Variants in GPR161 observed in about 807,000 individuals in gnomAD.
GPR161 encodes G-protein coupled receptor RE2.
A neutral mutation model predicts 39.2 loss-of-function variants in GPR161; 25 were observed. The ratio of observed to expected loss-of-function variants is 0.64; its 90% CI spans 0.47 to 0.89. The LOEUF is 0.89. GPR161 is among the 40% of genes least tolerant of loss of function. The pLI is 0.00. For missense variants in GPR161, 547 were observed against 677.8 expected, an observed-to-expected ratio of 0.81 and a Z score of 2.14; for synonymous variants, 286 against 276.6, an observed-to-expected ratio of 1.03 and a Z score of -0.34.
At chr1:168,087,812 CCAT>C in intron 4 of GPR161, 108 bp from the exon 5 acceptor site, 2 of 1,171,732 alleles carry the variant, frequency 1.7e-6, no homozygotes, top group Non-Finnish European at 1.2e-6. Context: ...TCATCCAAAC[CCAT>C]CATCAAGTGG....
chr1:168,134,840 GC>G, intron 1 of GPR161: 2 of 1,418,916 alleles, frequency 1.4e-6, no homozygotes, highest in Non-Finnish European at 1.9e-6. Flanking sequence ...CTGTCCACCC[GC>G]CTCCTGCACT....
In GPR161 at chr1:168,085,686, A is replaced by C. The variant is rs894924999; in HGVS notation, c.1435T>G (p.Phe479Val). Residue 479 changes from phenylalanine (F) to valine (V), a missense_variant, in exon 6 of 6, where the codon TTT (phenylalanine) becomes GTT (valine). Phe to Val is a conservative substitution (Grantham distance 50). Coordinates refer to ENST00000682931, the MANE Select transcript of GPR161 (RefSeq NM_001375883.1). ...AIEAEAKINL[F>V]GEEALPGVLV... ...ACCCCTGGCAAAGCCTCCTCCCCAA[A>C]TAAGTTGATTTTGGCTTCGGCCTCA... 6.2e-7 allele frequency: 1 copy of C among 1,614,046 alleles called. No individual in the cohort carries two copies. Among genetic ancestry groups the C allele is most frequent in the East Asian group, 2.2e-5 (1 of 44,900 alleles).
chr1:168,118,596 C>T (rs1029188042), intron 1 of GPR161: 1 of 152,054 alleles, frequency 6.6e-6, no homozygotes, highest in African/African-American at 2.4e-5. Flanking sequence ...ACTTGTACCC[C>T]TTAAATATAT....
intron 2 of GPR161, among the ~76,000 whole-genome samples, chr1:168,101,154 G>GT (rs1195176500): frequency 6.7e-6 from 1 of 148,416 alleles, no homozygotes; most frequent in East Asian, 2.0e-4. Flanking sequence ...TATACTTTAA[G>GT]TTTTAGGGTA....
rs144156323 is a variant in GPR161, at chr1:168,083,034, A to C, written c.*2497T>G. On this transcript the variant is annotated 3_prime_UTR_variant, in exon 6 of 6. Transcript: ENST00000682931. ...ACCTCATGGAGCCATCCCTAACTCC[A>C]TATTTGGAAATACCCACCTCCCTCT... 1 of 152,208 alleles carries C rather than the reference A, an allele frequency of 6.6e-6. No individual in the cohort carries two copies. The highest frequency in any genetic ancestry group is 2.4e-5 in the African/African-American group (1 of 41,448). 9.4% of individuals were successfully genotyped at this position (152,208 alleles called of 1,614,324 possible). A position where few individuals can be genotyped will look rare whatever the true frequency, so the allele number is the denominator to read the frequency against.
chr1:168,104,246 T>C (rs1696376538), intron 2 of GPR161, among the ~76,000 whole-genome samples: 1 of 152,198 alleles, frequency 6.6e-6, no homozygotes, highest in Admixed American at 6.5e-5. Context: ...AATGTTTTAT[T>C]TTAGGCGATG....
chr1:168,095,229 A>G (rs1353855769), intron 3 of GPR161, among the ~76,000 whole-genome samples: 2 of 152,270 alleles, frequency 1.3e-5, no homozygotes, highest in Non-Finnish European at 2.9e-5. Flanking sequence ...AGGGAAGAGT[A>G]AAGGATTGTC....
intron 4 of GPR161, among the ~76,000 whole-genome samples, chr1:168,090,052 T>A (rs777793596): frequency 6.6e-6 from 1 of 152,212 alleles, no homozygotes; most frequent in Non-Finnish European, 1.5e-5. Context: ...AAGAACAAGA[T>A]GAGTGCTTCA....
intron 2 of GPR161, among the ~76,000 whole-genome samples, chr1:168,102,633 T>C (rs1696210009): frequency 6.6e-6 from 1 of 152,210 alleles, no homozygotes; most frequent in South Asian, 2.1e-4. Flanking sequence ...CTCACTCATC[T>C]AGACCCCAGA....
chr1:168,094,601 G>A (rs1290372537), intron 3 of GPR161, among the ~76,000 whole-genome samples: 3 of 152,142 alleles, frequency 2.0e-5, no homozygotes, highest in Non-Finnish European at 2.9e-5. Flanking sequence ...TGCATAATTA[G>A]AGTCATTTCT....
Position 168,109,685 on chromosome 1 carries a change from G to A in GPR161, c.-44-4791C>T, listed in dbSNP as rs999927662. 5.3e-5 allele frequency among the ~76,000 whole-genome samples: 8 copies of A among 152,294 alleles called. 1 individual carries two copies. Among genetic ancestry groups the A allele is most frequent in the South Asian group, 2.1e-4 (1 of 4,820 alleles). On this transcript the variant is annotated intron_variant, in intron 1 of 5. Transcript: ENST00000682931. ...TGAGGGTTCTAAATTTATACATTCC[G>A]GCCAGGTGCAGTGGCTGATGCCTGT... is the stretch of plus-strand genomic sequence containing the variant.
intron 1 of GPR161, among the ~76,000 whole-genome samples, chr1:168,128,674 AAAT>A (rs902272471): frequency 6.6e-6 from 1 of 152,260 alleles, no homozygotes; most frequent in African/African-American, 2.4e-5. Flanking sequence ...ACAAGATAAA[AAAT>A]AATGACTACG....
rs955450207 is a variant in GPR161 at position 168,136,739 on chromosome 1, C to G, written c.-45G>C. The G allele has an allele frequency of 9.9e-5, 99 of 1,004,922 alleles. No homozygotes were observed. The highest frequency in any genetic ancestry group is 1.1e-4 in the Non-Finnish European group (95 of 843,254). The allele number at this position is 1,004,922 out of a possible 1,614,324, so 62.3% of individuals were successfully genotyped here. A position where few individuals can be genotyped will look rare whatever the true frequency, so the allele number is the denominator to read the frequency against. On this transcript the variant is annotated splice_region_variant and 5_prime_UTR_variant, in exon 1 of 6. Transcript: ENST00000682931. Reference sequence around the variant, plus strand: ...CCCGCGCCCCACGCCGGGTGCTCACCGAGGAGCGGCCGCCGCGGCAGCTCA... The same window carrying G: ...CCCGCGCCCCACGCCGGGTGCTCACGGAGGAGCGGCCGCCGCGGCAGCTCA...
intron 1 of GPR161, among the ~76,000 whole-genome samples, chr1:168,111,020 A>C (rs1306459683): frequency 6.6e-6 from 1 of 152,250 alleles, no homozygotes; most frequent in African/African-American, 2.4e-5. Flanking sequence ...AAGATGATTA[A>C]CTGAAAGATG....
chr1:168,087,075 G>A (rs1427164989), intron 5 of GPR161, among the ~76,000 whole-genome samples: 2 of 152,144 alleles, frequency 1.3e-5, no homozygotes, highest in Non-Finnish European at 2.9e-5. Context: ...AGTCCCTGGG[G>A]GTGAGCGGGG....
At chr1:168,113,376 T>C (rs757203440) in intron 1 of GPR161, among the ~76,000 whole-genome samples, 25 of 152,176 alleles carry the variant, frequency 1.6e-4, no homozygotes, top group Non-Finnish European at 2.9e-4. Flanking sequence ...AGACAGGTCA[T>C]CAGGGAAAGT....
At position 168,098,997 on chromosome 1, in the gene GPR161, CACA is replaced by C. The variant is rs1695826202; in HGVS notation, c.375-1768_375-1766del. Among the ~76,000 whole-genome samples the C allele has an allele frequency of 6.6e-6, 1 of 152,204 alleles. No homozygotes were observed. Among genetic ancestry groups the C allele is most frequent in the African/African-American group, 2.4e-5 (1 of 41,450 alleles). On this transcript the variant is annotated intron_variant, in intron 2 of 5. Coordinates refer to ENST00000682931, the MANE Select transcript of GPR161 (RefSeq NM_001375883.1). The surrounding 1 kb of genome is among the most constrained non-coding windows in gnomAD (Gnocchi z 4.1). ...TCTGGAAAATGGGAATTCTGGCACCCACATCACAGGTCTGCTCCTAGGAACGAA... is the reference window on the plus strand; with the variant it reads ...TCTGGAAAATGGGAATTCTGGCACCCTCACAGGTCTGCTCCTAGGAACGAA...
At chr1:168,090,757 CT>C (rs1204064807) in intron 3 of GPR161, 89 bp from the exon 4 acceptor site, 1 of 607,930 alleles carries the variant, frequency 1.6e-6, no homozygotes, top group African/African-American at 1.9e-5. Flanking sequence ...ATCTCCTGCC[CT>C]TCTGTTCGCC....
chr1:168,107,093 A>T (rs1696684327), intron 1 of GPR161, among the ~76,000 whole-genome samples: 1 of 152,238 alleles, frequency 6.6e-6, no homozygotes, highest in Admixed American at 6.5e-5. Context: ...AGTTGAAATT[A>T]TAAAAAAAGA....
Sources: allele counts gnomAD v4.1 joint callset (sites outside exome capture counted in the v4.1 genomes callset), GRCh38; gene constraint gnomAD v4.1.1; non-coding constraint Gnocchi (gnomAD v3.1); transcripts MANE v1.5; gene names NCBI Gene and HGNC (gene_info 2026-07-23, HGNC 2026-07-21).